Variants in FOXN1 observed in about 807,000 individuals in gnomAD.
The protein encoded by FOXN1 is forkhead box N1, also known as forkhead box protein N1.
In FOXN1, 15 loss-of-function variants were observed where a neutral mutation model predicts 49.0. The observed-to-expected ratio is 0.31, with a 90% confidence interval of 0.20 to 0.47. FOXN1 has a LOEUF of 0.47. FOXN1 is among the 20% of genes least tolerant of loss of function. The pLI is 1.00. For missense variants in FOXN1, 800 were observed against 842.8 expected (o/e 0.95, Z 0.63); for synonymous variants, 356 against 369.0 (o/e 0.96, Z 0.40).
chr17:28,518,632 A>C (rs373844106), intron 1 of FOXN1, among the ~76,000 whole-genome samples: 15 of 152,294 alleles, frequency 9.8e-5, no homozygotes, highest in African/African-American at 3.6e-4. Flanking sequence ...CTCTGATGCC[A>C]GGGCAGATCA....
chr17:28,518,201 G>A (rs1241091610), intron 1 of FOXN1, among the ~76,000 whole-genome samples: 1 of 152,124 alleles, frequency 6.6e-6, no homozygotes, highest in African/African-American at 2.4e-5. Flanking sequence ...CACATCCACA[G>A]GGTACACACC....
At chr17:28,508,098 G>A (rs1192481003) in intron 1 of FOXN1, among the ~76,000 whole-genome samples, 1 of 150,350 alleles carries the variant, frequency 6.7e-6, no homozygotes, top group African/African-American at 2.4e-5. Context: ...CCCCAGGCCC[G>A]GCGCCTCACT....
chr17:28,522,473 C>T (rs1201051159), intron 1 of FOXN1, among the ~76,000 whole-genome samples: 6 of 152,052 alleles, frequency 3.9e-5, no homozygotes, highest in Non-Finnish European at 8.8e-5. Flanking sequence ...ATAGTGAAAT[C>T]CCTTCTCTAC....
chr17:28,509,616 C>T (rs1326337103), intron 1 of FOXN1, among the ~76,000 whole-genome samples: 15 of 152,248 alleles, frequency 9.9e-5, no homozygotes, highest in South Asian at 2.1e-4. Flanking sequence ...CAGCCCTTAG[C>T]TTCCTCATCC....
rs10527420 is a variant in FOXN1 at position 28,523,792 on chromosome 17, TTCTCTCTCTCTCTC to T, written c.-14-137_-14-124del. 2.2e-3 allele frequency: 1,403 copies of T among 649,958 alleles called. 11 individuals are homozygous for T. Among genetic ancestry groups the T allele is most frequent in the South Asian group, 8.8e-3 (542 of 61,428 alleles). 40.3% of individuals were successfully genotyped at this position (649,958 alleles called of 1,614,324 possible). Reference sequence around the variant, plus strand: ...TCTCTTTCTCTCTCTCGCTCTCTGGTTCTCTCTCTCTCTCTCTCTCTCTCTCTCTCTCTCTCTCT... The same window carrying T: ...TCTCTTTCTCTCTCTCGCTCTCTGGTTCTCTCTCTCTCTCTCTCTCTCTCT... On this transcript the variant is annotated intron_variant, in intron 1 of 8. Transcript: ENST00000579795.
chr17:28,527,166 T>G, intron 3 of FOXN1, 85 bp from the exon 4 acceptor site: 1 of 847,174 alleles, frequency 1.2e-6, no homozygotes, highest in Non-Finnish European at 2.0e-6. Flanking sequence ...AGAATAGGGG[T>G]TGCTTTTATG....
chr17:28,521,753 G>A (rs1332941472), intron 1 of FOXN1, among the ~76,000 whole-genome samples: 1 of 152,204 alleles, frequency 6.6e-6, no homozygotes, highest in East Asian at 1.9e-4. Context: ...AATCCTATGG[G>A]ACTTTGGGCA....
chr17:28,509,496 A>ACCAGCATCCCCGCCAG (rs1364547309), intron 1 of FOXN1, among the ~76,000 whole-genome samples: 1 of 152,032 alleles, frequency 6.6e-6, no homozygotes, highest in Non-Finnish European at 1.5e-5. Context: ...AACACCCCTC[A>ACCAGCATCCCCGCCAG]CCAGCATCCC....
Position 28,527,284 on chromosome 17 carries a change from G to A in FOXN1, c.622G>A (p.Glu208Lys). The A allele has an allele frequency of 6.2e-7, 1 of 1,613,996 alleles. No homozygotes were observed. The highest frequency in any genetic ancestry group is 1.7e-5 in the Admixed American group (1 of 60,022). Residue 208 changes from glutamate (E) to lysine (K), a missense_variant, in exon 4 of 9, where the codon GAG (glutamate) becomes AAG (lysine). Glu to Lys is a moderately conservative substitution (Grantham distance 56). This residue lies in a region of FOXN1 where 383 missense variants were observed against 357.9 expected (regional missense o/e 1.07). Coordinates refer to ENST00000579795, the MANE Select transcript of FOXN1 (RefSeq NM_001369369.1). ...SEVKVKPPVL[E>K]SGAGMFCYQP... The stretch of plus-strand genomic sequence containing the variant: ...GGTCAAAGTCAAGCCCCCAGTTCTG[G>A]AGAGTGGTGCTGGGATGTTCTGCTA...
intron 6 of FOXN1, 140 bp downstream of exon 6, chr17:28,530,985 G>A (rs1359025992): frequency 4.6e-5 from 31 of 674,512 alleles, no homozygotes; most frequent in East Asian, 4.4e-4. Flanking sequence ...CATGCTTTCC[G>A]TTGTCTCCAC....
At chr17:28,533,018 G>A (rs1047597143) in intron 6 of FOXN1, among the ~76,000 whole-genome samples, 42 of 152,152 alleles carry the variant, frequency 2.8e-4, no homozygotes, top group African/African-American at 1.0e-3. Context: ...GGGAGCCTTA[G>A]GGGTCATCTC....
At chr17:28,536,189 G>A (rs1057304597) in intron 8 of FOXN1, among the ~76,000 whole-genome samples, 4 of 152,206 alleles carry the variant, frequency 2.6e-5, no homozygotes, top group Admixed American at 2.6e-4. Flanking sequence ...CCAACCCGAT[G>A]GGGAGACAAC....
intron 1 of FOXN1, among the ~76,000 whole-genome samples, chr17:28,513,218 A>C (rs4275907): frequency 0.57 from 85,972 of 151,918 alleles, 25,278 homozygotes; most frequent in East Asian, 0.66. Context: ...GCAGTGAGCC[A>C]AGATTGCACC....
At chr17:28,521,763 A>T (rs2069646528) in intron 1 of FOXN1, among the ~76,000 whole-genome samples, 1 of 152,184 alleles carries the variant, frequency 6.6e-6, no homozygotes, top group Non-Finnish European at 1.5e-5. Flanking sequence ...GACTTTGGGC[A>T]AATTGCCTCC....
At position 28,537,586 on chromosome 17, in the gene FOXN1, G is replaced by A. The variant is rs2070103565; in HGVS notation, c.*150G>A. ...AACGTGTGTGTCAGCTGGTAGCTGG[G>A]GGCGCAGAGGACATCACCTGGGGTG... On this transcript the variant is annotated 3_prime_UTR_variant, in exon 9 of 9. Transcript: ENST00000579795. 6 of 706,702 alleles carry A rather than the reference G, an allele frequency of 8.5e-6. No individual in the cohort carries two copies. The highest frequency in any genetic ancestry group is 7.7e-5 in the South Asian group (5 of 64,948). The allele number at this position is 706,702 out of a possible 1,614,324, so 43.8% of individuals were successfully genotyped here.
chr17:28,537,904 A>G lies in FOXN1; in HGVS notation c.*468A>G, dbSNP rs1340994114. 4 of 193,574 alleles carry G rather than the reference A, an allele frequency of 2.1e-5. No homozygotes were observed. Among genetic ancestry groups the G allele is most frequent in the East Asian group, 1.3e-4 (1 of 7,660 alleles). 12.0% of individuals were successfully genotyped at this position (193,574 alleles called of 1,614,324 possible). A position where few individuals can be genotyped will look rare whatever the true frequency, so the allele number is the denominator to read the frequency against. ...TGTGCCAGGCCAAAGATCCCCCCAG[A>G]CCCCCATTCTGACATCCACATGCTC... On this transcript the variant is annotated 3_prime_UTR_variant, in exon 9 of 9. Transcript: ENST00000579795.
intron 6 of FOXN1, among the ~76,000 whole-genome samples, chr17:28,532,181 G>A (rs915444108): frequency 2.0e-5 from 3 of 150,202 alleles, no homozygotes; most frequent in Admixed American, 6.6e-5. Flanking sequence ...ACCCCTCCCC[G>A]CATCTCATCT....
intron 3 of FOXN1, among the ~76,000 whole-genome samples, chr17:28,525,557 G>A (rs1282090151): frequency 6.6e-6 from 1 of 152,194 alleles, no homozygotes; most frequent in African/African-American, 2.4e-5. Flanking sequence ...AGCCTCATCT[G>A]AAAAGTAAGG....
intron 1 of FOXN1, among the ~76,000 whole-genome samples, chr17:28,520,946 C>T (rs1164723378): frequency 6.6e-6 from 1 of 152,162 alleles, no homozygotes; most frequent in African/African-American, 2.4e-5. Context: ...CCAATCGCCC[C>T]AGGACTGCCA....
Sources: gnomAD v4.1 joint callset for allele counts (sites outside exome capture counted in the v4.1 genomes callset) on GRCh38, gnomAD v4.1.1 for gene constraint, gnomAD v4.1.1 regional missense constraint, MANE v1.5 for transcripts, NCBI Gene and HGNC (gene_info 2026-07-23, HGNC 2026-07-21) for gene names.